Variants in FGF12 observed in about 807,000 individuals in gnomAD.
FGF12 encodes fibroblast growth factor 12B.
FGF12 carries 14 observed loss-of-function variants against 23.6 expected under a neutral mutation model. The observed-to-expected ratio is 0.59, with a 90% CI of 0.39 to 0.93. The LOEUF is 0.93. FGF12 is among the 40% of genes least tolerant of loss of function. The pLI is 0.00. For missense variants in FGF12, 175 were observed against 217.8 expected, an observed-to-expected ratio of 0.80 and a Z score of 1.24; for synonymous variants, 62 against 77.3, an observed-to-expected ratio of 0.80 and a Z score of 1.04.
At chr3:192,264,363 T>C (rs573169068) in intron 4 of FGF12, among the ~76,000 whole-genome samples, 5 of 152,168 alleles carry the variant, frequency 3.3e-5, no homozygotes, top group Admixed American at 2.0e-4. Flanking sequence ...TTTGACGATA[T>C]TGATGAACAA....
chr3:192,695,183 T>C (rs1227011033), intron 2 of FGF12, among the ~76,000 whole-genome samples: 2 of 152,222 alleles, frequency 1.3e-5, no homozygotes, highest in African/African-American at 4.8e-5. Context: ...TCTGAGTTGA[T>C]AGATTACAAG....
At chr3:192,335,156 G>A (rs1208340488) in intron 4 of FGF12, among the ~76,000 whole-genome samples, 1 of 152,136 alleles carries the variant, frequency 6.6e-6, no homozygotes, top group Non-Finnish European at 1.5e-5. Flanking sequence ...ATATCGCATG[G>A]AGAGTAACTG....
chr3:192,158,916 G>A (rs554533770), intron 5 of FGF12, among the ~76,000 whole-genome samples: 2 of 151,898 alleles, frequency 1.3e-5, no homozygotes, highest in Admixed American at 6.6e-5. Context: ...AATCTAGAGC[G>A]CCATGGTGCA....
chr3:192,360,988 G>C lies in FGF12; in HGVS notation c.14-450C>G, dbSNP rs185214596. On this transcript the variant is annotated intron_variant, in intron 2 of 5. Coordinates refer to ENST00000445105, the MANE Select transcript of FGF12 (RefSeq NM_004113.6). The surrounding 1 kb of genome is among the most constrained non-coding windows in gnomAD (Gnocchi z 4.3). Reference sequence around the variant, plus strand: ...GTCAGCTCTCCATCAGAAGTTCCTGGGTTTTGAATTTGTGATCAAGTTCAG... The same window carrying C: ...GTCAGCTCTCCATCAGAAGTTCCTGCGTTTTGAATTTGTGATCAAGTTCAG... 6.6e-6 allele frequency among the ~76,000 whole-genome samples: 1 copy of C among 151,910 alleles called. No individual in the cohort carries two copies. Among genetic ancestry groups the C allele is most frequent in the Non-Finnish European group, 1.5e-5 (1 of 67,950 alleles).
intron 3 of FGF12, among the ~76,000 whole-genome samples, chr3:192,335,789 T>C (rs1306216181): frequency 6.6e-6 from 1 of 152,102 alleles, no homozygotes; most frequent in Non-Finnish European, 1.5e-5. Context: ...AAGATAATTT[T>C]TTCTAACAAA....
intron 4 of FGF12, among the ~76,000 whole-genome samples, chr3:192,177,979 C>T (rs1210328298): frequency 2.0e-5 from 3 of 151,816 alleles, no homozygotes; most frequent in African/African-American, 2.4e-5. Context: ...ACCATGATTG[C>T]TATATTCTCT....
At chr3:192,609,011 A>C (rs1228200529) in intron 2 of FGF12, among the ~76,000 whole-genome samples, 1 of 152,116 alleles carries the variant, frequency 6.6e-6, no homozygotes, top group Admixed American at 6.6e-5. Flanking sequence ...AAGGGACAGA[A>C]TCTGTAGTTA....
At chr3:192,307,512 G>C (rs1056294927) in intron 4 of FGF12, among the ~76,000 whole-genome samples, 16 of 152,114 alleles carry the variant, frequency 1.1e-4, no homozygotes, top group Admixed American at 6.5e-5. Flanking sequence ...AAGCTAGAGT[G>C]GGCACAATGC....
chr3:192,148,736 TC>T (rs1713866950), intron 5 of FGF12, among the ~76,000 whole-genome samples: 1 of 152,090 alleles, frequency 6.6e-6, no homozygotes, highest in Non-Finnish European at 1.5e-5. Flanking sequence ...AGCCAGCAAT[TC>T]CCCAATAATA....
intron 4 of FGF12, among the ~76,000 whole-genome samples, chr3:192,307,311 G>A (rs1009290741): frequency 3.9e-5 from 6 of 152,004 alleles, no homozygotes; most frequent in Non-Finnish European, 8.8e-5. Flanking sequence ...AGATAAAAAA[G>A]GCACAATAAA....
intron 4 of FGF12, among the ~76,000 whole-genome samples, chr3:192,277,928 A>G (rs1226943043): frequency 6.6e-6 from 1 of 152,034 alleles, no homozygotes; most frequent in African/African-American, 2.4e-5. Flanking sequence ...ATGCCCAGCT[A>G]ATTTTTGTAT....
At chr3:192,190,155 A>G (rs1440421333) in intron 4 of FGF12, among the ~76,000 whole-genome samples, 2 of 152,198 alleles carry the variant, frequency 1.3e-5, no homozygotes, top group Non-Finnish European at 2.9e-5. Context: ...GCATTTTTAT[A>G]TAACTTCTCT....
At chr3:192,174,884 CAT>C (rs754371757) in intron 4 of FGF12, among the ~76,000 whole-genome samples, 2 of 152,134 alleles carry the variant, frequency 1.3e-5, no homozygotes, top group African/African-American at 2.4e-5. Flanking sequence ...CATATGGACA[CAT>C]GTTTTAAATG....
At chr3:192,378,031 TTTC>T (rs1719614973) in intron 2 of FGF12, among the ~76,000 whole-genome samples, 2 of 41,830 alleles carry the variant, frequency 4.8e-5, no homozygotes, top group Non-Finnish European at 4.2e-5. Context: ...CTTTCTTTTC[TTTC>T]TTTCTTTCTT....
chr3:192,355,180 C>T (rs564708291), intron 3 of FGF12, among the ~76,000 whole-genome samples: 9 of 152,210 alleles, frequency 5.9e-5, no homozygotes, highest in African/African-American at 2.2e-4. Context: ...AATACATTTG[C>T]ATATATGAAA....
At chr3:192,655,361 C>T (rs35335625) in intron 2 of FGF12, among the ~76,000 whole-genome samples, 4,746 of 152,162 alleles carry the variant, frequency 0.031, 80 homozygotes, top group Middle Eastern at 0.065. Flanking sequence ...TTTTTTTCTA[C>T]ATCTCTATTT....
At chr3:192,673,638 G>A (rs1244313377) in intron 2 of FGF12, among the ~76,000 whole-genome samples, 1 of 151,054 alleles carries the variant, frequency 6.6e-6, no homozygotes, top group Non-Finnish European at 1.5e-5. Flanking sequence ...AACATGTGAT[G>A]TTTGGCTTTC....
chr3:192,206,762 A>G (rs1717669311), intron 4 of FGF12, among the ~76,000 whole-genome samples: 3 of 152,316 alleles, frequency 2.0e-5, no homozygotes, highest in Admixed American at 2.0e-4. Flanking sequence ...CTGTCATTGA[A>G]ACAAATGGTG....
chr3:192,167,771 A>ATTTTTTTTTTTT (rs1560175808), intron 5 of FGF12, among the ~76,000 whole-genome samples: 1 of 21,312 alleles, frequency 4.7e-5, no homozygotes, highest in African/African-American at 1.7e-4. Flanking sequence ...ATATATATAA[A>ATTTTTTTTTTTT]ATTTTTTTTT....
Sources: allele counts gnomAD v4.1 joint callset (sites outside exome capture counted in the v4.1 genomes callset), GRCh38; gene constraint gnomAD v4.1.1; non-coding constraint Gnocchi (gnomAD v3.1); transcripts MANE v1.5; gene names NCBI Gene and HGNC (gene_info 2026-07-23, HGNC 2026-07-21).